COBL: variants seen among roughly 807,000 people sequenced by gnomAD.
COBL encodes the protein protein cordon-bleu.
Under a neutral mutation model 98.8 loss-of-function variants are expected in COBL, and 51 were observed. That is an observed-to-expected ratio of 0.52 (90% CI 0.41 to 0.65). The LOEUF (loss-of-function observed/expected upper bound fraction) is 0.65, where lower values mean the gene tolerates loss of function less well. Among genes scored for constraint, COBL ranks in the 30% least tolerant of loss-of-function variants. The pLI is 0.00. For missense variants in COBL, 1,617 were observed against 1,617.5 expected (o/e 1.00, Z 0.01); for synonymous variants, 634 against 651.7 (o/e 0.97, Z 0.41).
At chr7:51,120,613 T>A (rs1741355770) in intron 6 of COBL, among the ~76,000 whole-genome samples, 2 of 152,188 alleles carry the variant, frequency 1.3e-5, no homozygotes, top group African/African-American at 4.8e-5. Context: ...ACTGAAACTC[T>A]ACCCATCCCA....
At chr7:51,171,165 C>G (rs901212208) in intron 5 of COBL, among the ~76,000 whole-genome samples, 1 of 152,142 alleles carries the variant, frequency 6.6e-6, no homozygotes, top group African/African-American at 2.4e-5. Flanking sequence ...TTTTATAAGT[C>G]TTAATAAGGC....
intron 6 of COBL, among the ~76,000 whole-genome samples, chr7:51,099,105 A>AC (rs1177612342): frequency 5.3e-5 from 8 of 152,166 alleles, no homozygotes; most frequent in Admixed American, 2.0e-4. Flanking sequence ...AAAAAAAAAA[A>AC]AGAGAGAAAA....
Position 51,085,225 on chromosome 7 carries a change from G to A in COBL, c.1037C>T (p.Pro346Leu), listed in dbSNP as rs143842791. The change falls in exon 7 of 13, where the codon CCG (proline) becomes CTG (leucine). Residue 346 changes from proline to leucine, a missense_variant. Pro to Leu is a moderately conservative substitution (Grantham distance 98). This residue lies in a region of COBL where 1,304 missense variants were observed against 1,282.0 expected (regional missense o/e 1.02). Transcript: ENST00000265136. ...PAPPPPQPPP[P>L]SPLIPNRTED... ...AGTGCGGTTGGGGATCAGGGGACTC[G>A]GTGGTGGTGGCTGTGGTGGAGGGGG... The A allele has an allele frequency of 2.6e-5, 42 of 1,613,816 alleles. No individual in the cohort carries two copies. Among genetic ancestry groups the A allele is most frequent in the African/African-American group, 9.3e-5 (7 of 74,898 alleles).
chr7:51,183,570 A>G (rs1416014043), intron 5 of COBL, among the ~76,000 whole-genome samples: 1 of 152,226 alleles, frequency 6.6e-6, no homozygotes, highest in East Asian at 1.9e-4. Context: ...AACAAAATCA[A>G]TAAAATTAAC....
chr7:51,127,319 C>T (rs1798307132), intron 6 of COBL, among the ~76,000 whole-genome samples: 1 of 152,218 alleles, frequency 6.6e-6, no homozygotes, highest in Admixed American at 6.5e-5. Flanking sequence ...ACTGATGTGA[C>T]AGACACCCAA....
At chr7:51,206,964 A>C (rs982825707) in intron 2 of COBL, among the ~76,000 whole-genome samples, 6 of 152,252 alleles carry the variant, frequency 3.9e-5, no homozygotes, top group Non-Finnish European at 5.9e-5. Flanking sequence ...ACTGCAGCTG[A>C]CAATACTGCA....
chr7:51,017,590 A>C, intron 12 of COBL, 22 bp from the exon 13 acceptor site: 1 of 1,613,708 alleles, frequency 6.2e-7, no homozygotes, highest in South Asian at 1.1e-5. Flanking sequence ...AGAGATTCAC[A>C]GTTATTTGGT....
chr7:51,276,417 G>A (rs1382685867), intron 1 of COBL, among the ~76,000 whole-genome samples: 2 of 152,192 alleles, frequency 1.3e-5, no homozygotes, highest in East Asian at 1.9e-4. Flanking sequence ...AAGCTCCTCC[G>A]GCCGGGGACG....
chr7:51,170,136 T>G (rs1787705181), intron 5 of COBL, among the ~76,000 whole-genome samples: 1 of 152,166 alleles, frequency 6.6e-6, no homozygotes. Context: ...TTTGCACACT[T>G]AGATTTCTGA....
chr7:51,058,312 C>T (rs978580938), intron 7 of COBL, among the ~76,000 whole-genome samples: 1 of 152,010 alleles, frequency 6.6e-6, no homozygotes, highest in African/African-American at 2.4e-5. Context: ...CTTTGGGAGG[C>T]CGAGGTGGGA....
At chr7:51,315,505 C>T (rs2129225783) in intron 1 of COBL, among the ~76,000 whole-genome samples, 1 of 152,356 alleles carries the variant, frequency 6.6e-6, no homozygotes. Context: ...CCAAAGCTGC[C>T]TCCTTCAAGT....
At chr7:51,301,474 T>A (rs919240511) in intron 1 of COBL, among the ~76,000 whole-genome samples, 1 of 152,144 alleles carries the variant, frequency 6.6e-6, no homozygotes, top group Admixed American at 6.5e-5. Context: ...GTACTGTGGG[T>A]GGCAAGGCCA....
At chr7:51,232,218 C>T (rs575941574) in intron 1 of COBL, among the ~76,000 whole-genome samples, 1 of 152,128 alleles carries the variant, frequency 6.6e-6, no homozygotes, top group Non-Finnish European at 1.5e-5. Context: ...TCTTCATCAT[C>T]ACTTTCTTAG....
chr7:51,149,550 T>G (rs180885759), intron 5 of COBL, among the ~76,000 whole-genome samples: 1 of 152,242 alleles, frequency 6.6e-6, no homozygotes, highest in African/African-American at 2.4e-5. Flanking sequence ...TACTCTTACA[T>G]GGATTTAACC....
intron 1 of COBL, among the ~76,000 whole-genome samples, chr7:51,255,095 G>A (rs967021243): frequency 1.4e-4 from 22 of 152,334 alleles, no homozygotes; most frequent in African/African-American, 5.3e-4. Flanking sequence ...TGTGAAGCCT[G>A]AATCAATCTG....
At chr7:51,145,192 T>C (rs1007761482) in intron 5 of COBL, among the ~76,000 whole-genome samples, 1 of 151,928 alleles carries the variant, frequency 6.6e-6, no homozygotes, top group African/African-American at 2.4e-5. Flanking sequence ...TTTTTTGTAT[T>C]TTCAGTAGAG....
intron 5 of COBL, among the ~76,000 whole-genome samples, chr7:51,142,710 C>T (rs1463765316): frequency 6.6e-6 from 1 of 152,100 alleles, no homozygotes; most frequent in Admixed American, 6.5e-5. Context: ...CTTAACATAA[C>T]TGGAAGACAT....
chr7:51,135,844 G>C (rs1799179663), intron 6 of COBL, among the ~76,000 whole-genome samples: 1 of 152,190 alleles, frequency 6.6e-6, no homozygotes, highest in African/African-American at 2.4e-5. Flanking sequence ...AAAAATCTCA[G>C]TCCAGGGAAG....
intron 1 of COBL, among the ~76,000 whole-genome samples, chr7:51,268,193 G>T (rs1474501844): frequency 1.3e-5 from 2 of 152,194 alleles, no homozygotes; most frequent in Non-Finnish European, 2.9e-5. Context: ...CTCCAGGAAG[G>T]CAAATATGTA....
Sources: allele counts gnomAD v4.1 joint callset (sites outside exome capture counted in the v4.1 genomes callset), GRCh38; gene constraint gnomAD v4.1.1; regional missense constraint gnomAD v4.1.1; transcripts MANE v1.5; gene names NCBI Gene and HGNC (gene_info 2026-07-23, HGNC 2026-07-21).